Variants in PCNX3 observed in about 807,000 individuals in gnomAD.
PCNX3 encodes the protein pecanex 3, also known as pecanex-like protein 3.
PCNX3 carries 58 observed loss-of-function variants against 207.2 expected under a neutral mutation model. The ratio of observed to expected loss-of-function variants is 0.28; its 90% CI spans 0.23 to 0.35. The LOEUF is 0.35. PCNX3 is among the 10% of genes least tolerant of loss of function. The probability of loss-of-function intolerance (pLI) is 1.00; values close to 1 mark genes in which losing one functional copy is unlikely to be tolerated. For missense variants in PCNX3, 2,410 were observed against 2,774.4 expected, an observed-to-expected ratio of 0.87 and a Z score of 2.95; for synonymous variants, 1,337 against 1,183.5, an observed-to-expected ratio of 1.13 and a Z score of -2.66.
At chr11:65,623,673 C>T (rs757687966) in intron 12 of PCNX3, 29 bp downstream of exon 12, 1 of 1,602,636 alleles carries the variant, frequency 6.2e-7, no homozygotes, top group Non-Finnish European at 8.5e-7. Context: ...TGTTTCCTTC[C>T]CCACCCGACT....
intron 9 of PCNX3, 65 bp from the exon 10 acceptor site, chr11:65,620,766 G>GCCTCGA (rs1855045433): frequency 5.1e-6 from 8 of 1,557,040 alleles, no homozygotes; most frequent in Non-Finnish European, 6.9e-6. Context: ...CTTGGCCTCG[G>GCCTCGA]CCTCGACCCC....
chr11:65,618,773 C>T lies in PCNX3; in HGVS notation c.1411C>T (p.Pro471Ser). The change falls in exon 6 of 35, where the codon CCC (proline) becomes TCC (serine). Residue 471 changes from proline to serine, a missense_variant. Coordinates refer to ENST00000355703, the MANE Select transcript of PCNX3 (RefSeq NM_032223.4). ...AGGGGGACCCCGGAAGCGGAGGGCCCCCCATGGGGCTGAGGAGGGAACTGC... is the reference window on the plus strand; with the variant it reads ...AGGGGGACCCCGGAAGCGGAGGGCCTCCCATGGGGCTGAGGAGGGAACTGC... ...AAGGPRKRRAPHGAEEGTAVP... is the reference protein window; with the variant it reads ...AAGGPRKRRASHGAEEGTAVP... 1 of 1,611,520 alleles carries T rather than the reference C, an allele frequency of 6.2e-7. No homozygotes were observed.
rs750095747 is a variant in PCNX3 at position 65,618,797 on chromosome 11, G to T, written c.1435G>T (p.Ala479Ser). 1.9e-6 allele frequency: 3 copies of T among 1,611,386 alleles called. No individual in the cohort carries two copies. The highest frequency in any genetic ancestry group is 2.5e-6 in the Non-Finnish European group (3 of 1,179,332). ...RAPHGAEEGT[A>S]VPPKRPYGTQ... ...CCCCCATGGGGCTGAGGAGGGAACT[G>T]CTGTGCCCCCCAAGCGGCCATATGG... The change falls in exon 6 of 35, where the codon GCT becomes TCT. Residue 479 changes from alanine (A) to serine (S), a missense_variant. Around this residue, in one of 8 missense-constraint regions of PCNX3, gnomAD observed 1,104 missense variants for 970.3 expected, o/e 1.14. Transcript: ENST00000355703.
At chr11:65,624,786 G>T (rs79499090) in intron 15 of PCNX3, 139 bp from the exon 16 acceptor site, 14,931 of 982,528 alleles carry the variant, frequency 0.015, 139 homozygotes, top group Non-Finnish European at 0.019. Context: ...GCCGCTTGGG[G>T]CTTGGGGCAG....
intron 8 of PCNX3, among the ~76,000 whole-genome samples, 174 bp from the exon 9 acceptor site, chr11:65,620,165 C>T (rs1170992317): frequency 6.6e-6 from 1 of 152,242 alleles, no homozygotes; most frequent in African/African-American, 2.4e-5. Context: ...GGACAGGTGA[C>T]TGCCGCGCCC....
intron 1 of PCNX3, 112 bp from the exon 2 acceptor site, chr11:65,616,712 G>T: frequency 8.2e-7 from 1 of 1,216,324 alleles, no homozygotes. Flanking sequence ...TGTGTGGAGA[G>T]GTGATGAAAT....
In PCNX3 at chr11:65,618,665, A is replaced by T. The variant is rs1854891842; in HGVS notation, c.1303A>T (p.Ser435Cys). Residue 435 changes from serine (S) to cysteine (C), a missense_variant, in exon 6 of 35, where the codon AGT (serine) becomes TGT (cysteine). By Grantham distance (112) the Ser-to-Cys change is moderately radical. Coordinates refer to ENST00000355703, the MANE Select transcript of PCNX3 (RefSeq NM_032223.4). ...GGGCAGTGAACTGAGCCCGGCCTCCAGTCTCCGATCGCAGCGCCGCTACAG... is the reference window on the plus strand; with the variant it reads ...GGGCAGTGAACTGAGCCCGGCCTCCTGTCTCCGATCGCAGCGCCGCTACAG... The part of the protein sequence containing the change: ...SEGSELSPAS[S>C]LRSQRRYSTD... 1 of 1,613,166 alleles carries T rather than the reference A, an allele frequency of 6.2e-7. No homozygotes were observed. Among genetic ancestry groups the T allele is most frequent in the African/African-American group, 1.3e-5 (1 of 74,916 alleles).
Position 65,624,334 on chromosome 11 carries a change from CCTT to C in PCNX3, c.2693_2695del (p.Phe898del), listed in dbSNP as rs755244936. On this transcript the variant is annotated inframe_deletion, in exon 14 of 35. Coordinates refer to ENST00000355703, the MANE Select transcript of PCNX3 (RefSeq NM_032223.4). ...TACGGCCTCACGCTCTTCTCTGCCT[CCTT>C]CTTCTTCTGTGCCCGAGACGTGGCC... 3 of 1,560,166 alleles carry C rather than the reference CCTT, an allele frequency of 1.9e-6. No individual in the cohort carries two copies. Among genetic ancestry groups the C allele is most frequent in the Non-Finnish European group, 1.7e-6 (2 of 1,151,724 alleles).
chr11:65,621,316 T>A (rs1268382938), intron 10 of PCNX3, among the ~76,000 whole-genome samples: 1 of 151,430 alleles, frequency 6.6e-6, no homozygotes, highest in Non-Finnish European at 1.5e-5. Flanking sequence ...TGTGCTGCCC[T>A]GCATACACTG....
Position 65,629,571 on chromosome 11 carries a change from C to G in PCNX3, c.4052C>G (p.Ser1351Trp). 1 of 1,613,484 alleles carries G rather than the reference C, an allele frequency of 6.2e-7. No individual in the cohort carries two copies. Among genetic ancestry groups the G allele is most frequent in the Non-Finnish European group, 8.5e-7 (1 of 1,179,760 alleles). ...ATCTTCTATGAGCACTTGACACGTT[C>G]GCTGCAGCACACACTGTGTGGGGAC... ...NSIFYEHLTR[S>W]LQHTLCGDLV... is the part of the protein sequence containing the mutation. Residue 1351 changes from serine (S) to tryptophan (W), a missense_variant, in exon 26 of 35, where the codon TCG becomes TGG. Ser to Trp is a radical substitution (Grantham distance 177, BLOSUM62 -3). Transcript: ENST00000355703.
At chr11:65,624,827 AG>A in intron 15 of PCNX3, 97 bp from the exon 16 acceptor site, 1 of 1,288,998 alleles carries the variant, frequency 7.8e-7, no homozygotes, top group Non-Finnish European at 1.1e-6. Context: ...GTGCCTTTCC[AG>A]GGAGGCCAGC....
rs760362251 is a variant in PCNX3, at chr11:65,628,821, T to A, written c.3814T>A (p.Ser1272Thr). The change falls in exon 24 of 35, where the codon TCG (serine) becomes ACG (threonine). Residue 1272 changes from serine to threonine, a missense_variant and splice_region_variant. Physicochemically the swap from Ser to Thr is moderately conservative, Grantham distance 58 (BLOSUM62 1). Around this residue, in one of 8 missense-constraint regions of PCNX3, gnomAD observed 420 missense variants for 705.3 expected, o/e 0.60. Transcript: ENST00000355703. ...CCGCCTCCTTGACTGTGGCTCAGAC[T>A]CGGCCATGCTGTTCGTCCAGGCCCT... ...AFAQPFAVPH[S>T]AMLFVQALLS... 26 of 1,611,314 alleles carry A rather than the reference T, an allele frequency of 1.6e-5. No individual in the cohort carries two copies. The highest frequency in any genetic ancestry group is 2.2e-5 in the Non-Finnish European group (26 of 1,179,794).
chr11:65,634,703 G>A, intron 29 of PCNX3, 62 bp downstream of exon 29: 2 of 1,447,334 alleles, frequency 1.4e-6, no homozygotes, highest in Non-Finnish European at 1.9e-6. Flanking sequence ...TCCACGAAGA[G>A]CACTGTGGTC....
chr11:65,633,112 G>A (rs1855680946), intron 27 of PCNX3, among the ~76,000 whole-genome samples: 1 of 152,158 alleles, frequency 6.6e-6, no homozygotes, highest in African/African-American at 2.4e-5. Context: ...CGAGCTATGG[G>A]CAAGAAAGTC....
chr11:65,619,298 ACT>A (rs1854940837), intron 6 of PCNX3: 1 of 425,488 alleles, frequency 2.4e-6, no homozygotes, highest in African/African-American at 2.2e-5. Context: ...TCCCCTGAGG[ACT>A]CTCATCATCC....
chr11:65,636,043 C>T (rs1042315479), intron 32 of PCNX3, 131 bp from the exon 33 acceptor site: 1 of 1,394,654 alleles, frequency 7.2e-7, no homozygotes, highest in Non-Finnish European at 9.8e-7. Flanking sequence ...TAGGTGGCAG[C>T]TTCTTAGAGG....
intron 10 of PCNX3, among the ~76,000 whole-genome samples, 161 bp downstream of exon 10, chr11:65,621,127 T>C (rs958809930): frequency 6.6e-6 from 1 of 152,194 alleles, no homozygotes; most frequent in African/African-American, 2.4e-5. Context: ...TGATCTTTGA[T>C]GTTGGCAGAG....
Position 65,622,148 on chromosome 11 carries a change from TAACA to T in PCNX3, c.2236-96_2236-93del. On this transcript the variant is annotated intron_variant, in intron 10 of 34. Coordinates refer to ENST00000355703, the MANE Select transcript of PCNX3 (RefSeq NM_032223.4). ...ACCAGACCGGTGTGCTGAAGGGGGG[TAACA>T]GTAGACCATGTGGGGGGTGGCGGGG... 3 of 1,344,822 alleles carry T rather than the reference TAACA, an allele frequency of 2.2e-6. No individual in the cohort carries two copies. In the South Asian group the frequency reaches 4.2e-5, roughly 19 times the overall value. 83.3% of individuals were successfully genotyped at this position (1,344,822 alleles called of 1,614,324 possible).
chr11:65,628,315 T>G (rs1855485144), intron 22 of PCNX3, among the ~76,000 whole-genome samples: 1 of 152,180 alleles, frequency 6.6e-6, no homozygotes, highest in African/African-American at 2.4e-5. Flanking sequence ...AACCTCAACT[T>G]TCCCATCTGT....
Sources: gnomAD v4.1 joint callset for allele counts (sites outside exome capture counted in the v4.1 genomes callset) on GRCh38, gnomAD v4.1.1 for gene constraint, gnomAD v4.1.1 regional missense constraint, MANE v1.5 for transcripts, NCBI Gene and HGNC (gene_info 2026-07-23, HGNC 2026-07-21) for gene names.